The following SFMBT1 variants were observed in gnomAD, a reference collection of about 807,000 sequenced individuals.
SFMBT1 encodes Scm like with four mbt domains 1, also known as scm-like with four MBT domains protein 1.
A neutral mutation model predicts 108.7 loss-of-function variants in SFMBT1; 32 were observed. The ratio of observed to expected loss-of-function variants is 0.29; its 90% CI spans 0.22 to 0.40. SFMBT1 has a LOEUF of 0.40. Ranked by LOEUF, SFMBT1 falls within the 10% of genes least tolerant of loss-of-function variation. The pLI, the probability that SFMBT1 is intolerant of heterozygous loss-of-function variation, is 1.00. For synonymous variants in SFMBT1, 348 were observed against 369.5 expected (o/e 0.94, Z 0.67); for missense variants, 816 against 1,059.6 (o/e 0.77, Z 3.19).
At chr3:53,045,469 C>A (rs964315132) in intron 1 of SFMBT1, among the ~76,000 whole-genome samples, 1 of 144,456 alleles carries the variant, frequency 6.9e-6, no homozygotes, top group Non-Finnish European at 1.5e-5. Flanking sequence ...TCACGCCTCC[C>A]GCGGGCTGAC....
At chr3:53,028,386 G>C (rs1311093079) in intron 1 of SFMBT1, among the ~76,000 whole-genome samples, 5 of 152,178 alleles carry the variant, frequency 3.3e-5, no homozygotes, top group African/African-American at 7.2e-5. Context: ...CTCGCTTTCA[G>C]ACCACTTCTT....
chr3:52,967,413 C>A (rs908202545), intron 2 of SFMBT1, among the ~76,000 whole-genome samples: 6 of 151,994 alleles, frequency 3.9e-5, no homozygotes, highest in Non-Finnish European at 7.4e-5. Context: ...ATGTCAGAGT[C>A]TGGGTGGAAA....
intron 1 of SFMBT1, among the ~76,000 whole-genome samples, chr3:52,973,821 G>A (rs940109532): frequency 3.3e-5 from 5 of 152,012 alleles, no homozygotes; most frequent in East Asian, 1.9e-4. Context: ...TAGAGACCAC[G>A]TTGGCCAGGC....
chr3:53,001,197 T>C (rs1698536363), intron 1 of SFMBT1, among the ~76,000 whole-genome samples: 1 of 150,274 alleles, frequency 6.7e-6, no homozygotes, highest in South Asian at 2.1e-4. Flanking sequence ...CTACACTACA[T>C]AAACAAGTAC....
chr3:53,041,722 A>AG (rs1700062138), intron 1 of SFMBT1, among the ~76,000 whole-genome samples: 1 of 150,538 alleles, frequency 6.6e-6, no homozygotes, highest in South Asian at 2.1e-4. Flanking sequence ...AAAAAAAAAA[A>AG]AAAAAAAAAT....
At chr3:53,033,542 A>T (rs1338536073) in intron 1 of SFMBT1, among the ~76,000 whole-genome samples, 3 of 152,046 alleles carry the variant, frequency 2.0e-5, no homozygotes, top group African/African-American at 7.2e-5. Context: ...TTTGAAAGAG[A>T]TTTTGAAAAA....
chr3:52,935,875 TTTA>T (rs1702991586), intron 4 of SFMBT1, among the ~76,000 whole-genome samples: 1 of 152,186 alleles, frequency 6.6e-6, no homozygotes, highest in South Asian at 2.1e-4. Flanking sequence ...TTACTCCACA[TTTA>T]TTGAGACCTG....
rs540121382 is a variant in SFMBT1, at chr3:53,043,985, G to A, written c.-131+1831C>T. ...GTTTACTGAATGGAAAGGATACAAG[G>A]CCTGAAAATGTTCCATATCTTGATC... On this transcript the variant is annotated intron_variant, in intron 1 of 20. Transcript: ENST00000394752. Among the ~76,000 whole-genome samples, 7 of 152,272 alleles carry A rather than the reference G, an allele frequency of 4.6e-5. No homozygotes were observed. In the South Asian group the frequency reaches 1.2e-3, roughly 27 times the overall value.
intron 1 of SFMBT1, among the ~76,000 whole-genome samples, chr3:53,027,187 T>C (rs775030972): frequency 1.3e-5 from 2 of 152,218 alleles, no homozygotes; most frequent in South Asian, 4.1e-4. Flanking sequence ...ATTCTTACAC[T>C]AATAATACAA....
intron 20 of SFMBT1, among the ~76,000 whole-genome samples, chr3:52,905,624 G>A (rs1702047165): frequency 6.6e-6 from 1 of 152,116 alleles, no homozygotes; most frequent in African/African-American, 2.4e-5. Flanking sequence ...CTGAAACAAA[G>A]GATTAACTAT....
chr3:53,032,401 C>T (rs1382909009), intron 1 of SFMBT1, among the ~76,000 whole-genome samples: 1 of 152,010 alleles, frequency 6.6e-6, no homozygotes, highest in Non-Finnish European at 1.5e-5. Flanking sequence ...AATTGATATC[C>T]TTGGGATGGA....
At chr3:52,939,538 T>A (rs2106808733) in intron 4 of SFMBT1, among the ~76,000 whole-genome samples, 1 of 152,262 alleles carries the variant, frequency 6.6e-6, no homozygotes, top group South Asian at 2.1e-4. Context: ...CGTGCCACTG[T>A]ACTCCAGCCT....
At chr3:52,962,808 C>CAAAAAA (rs369325114) in intron 2 of SFMBT1, among the ~76,000 whole-genome samples, 1,802 of 101,270 alleles carry the variant, frequency 0.018, 134 homozygotes, top group Admixed American at 0.11. Context: ...CTCCCTGTCT[C>CAAAAAA]AAAAAAAAAA....
chr3:52,992,044 A>C (rs1553641375), intron 1 of SFMBT1, among the ~76,000 whole-genome samples: 1 of 151,946 alleles, frequency 6.6e-6, no homozygotes, highest in African/African-American at 2.4e-5. Flanking sequence ...ACCTTCTAGG[A>C]TAATCTATTC....
intron 1 of SFMBT1, among the ~76,000 whole-genome samples, chr3:53,029,137 A>T (rs1699595607): frequency 7.0e-6 from 1 of 142,618 alleles, no homozygotes; most frequent in Admixed American, 7.6e-5. Flanking sequence ...GCACCACTGC[A>T]CTCCAGCCTG....
At chr3:52,947,030 C>T (rs894408951) in intron 3 of SFMBT1, among the ~76,000 whole-genome samples, 3 of 152,112 alleles carry the variant, frequency 2.0e-5, no homozygotes, top group Non-Finnish European at 4.4e-5. Flanking sequence ...CCTCAGCCTC[C>T]TAAAGTGCTG....
In SFMBT1 at chr3:52,960,649, A is replaced by T. The variant is rs1703930889; in HGVS notation, c.29-6238T>A. Among the ~76,000 whole-genome samples the T allele has an allele frequency of 2.6e-5, 4 of 152,126 alleles. No individual in the cohort carries two copies. In the South Asian group the frequency reaches 8.3e-4, roughly 32 times the overall value. ...TATCTATCTATCTCTCTATCTATCT[A>T]TGCATGTCTGTGTATATACCCAAAA... On this transcript the variant is annotated intron_variant, in intron 2 of 20. Transcript: ENST00000394752.
intron 1 of SFMBT1, among the ~76,000 whole-genome samples, chr3:53,008,403 GTA>G (rs1463250729): frequency 6.6e-6 from 1 of 152,094 alleles, no homozygotes; most frequent in Non-Finnish European, 1.5e-5. Context: ...TAAATGATTA[GTA>G]TCTCTCCAAA....
At chr3:52,968,739 C>T (rs922035586) in intron 2 of SFMBT1, among the ~76,000 whole-genome samples, 45 of 151,986 alleles carry the variant, frequency 3.0e-4, no homozygotes, top group African/African-American at 1.0e-3. Context: ...TACAGGCACC[C>T]GTCACCACAC....
Sources: allele counts gnomAD v4.1 joint callset (sites outside exome capture counted in the v4.1 genomes callset), GRCh38; gene constraint gnomAD v4.1.1; transcripts MANE v1.5; gene names NCBI Gene and HGNC (gene_info 2026-07-23, HGNC 2026-07-21).